Variants in FOXN3 observed in about 807,000 individuals in gnomAD.
FOXN3 encodes the protein forkhead box protein N3.
In FOXN3, 7 loss-of-function variants were observed where a neutral mutation model predicts 38.4. The observed-to-expected ratio is 0.18, with a 90% CI of 0.10 to 0.34. The LOEUF (loss-of-function observed/expected upper bound fraction) is 0.34, where lower values mean the gene tolerates loss of function less well. Among genes scored for constraint, FOXN3 ranks in the 10% least tolerant of loss-of-function variants. The pLI, the probability that FOXN3 is intolerant of heterozygous loss-of-function variation, is 1.00. For synonymous variants in FOXN3, 230 were observed against 242.2 expected (o/e 0.95, Z 0.47); for missense variants, 456 against 613.4 (o/e 0.74, Z 2.71).
At chr14:89,350,921 G>T in intron 2 of FOXN3, 113 bp from the exon 3 acceptor site, 2 of 781,024 alleles carry the variant, frequency 2.6e-6, no homozygotes, top group Non-Finnish European at 1.8e-6. Context: ...CTCATTTGTT[G>T]ACTGTTTGCC....
In FOXN3 at chr14:89,450,653, T is replaced by G. The variant is rs138102323; in HGVS notation, c.-14-38163A>C. ...CAGGCTGGAGTGCAGTGGCACAATC[T>G]CGGCTCACTGTAACATCCGCCTCCA... On this transcript the variant is annotated intron_variant, in intron 1 of 6. Coordinates refer to the FOXN3 transcript ENST00000345097. Among the ~76,000 whole-genome samples the G allele has an allele frequency of 1.3e-3, 197 of 151,442 alleles. 1 individual carries two copies. The highest frequency in any genetic ancestry group is 1.5e-3 in the Non-Finnish European group (103 of 67,912).
chr14:89,333,030 T>C (rs1361367128), intron 3 of FOXN3: 1 of 152,238 alleles, frequency 6.6e-6, no homozygotes. Flanking sequence ...CACAATGAGA[T>C]ACCACCTCAC....
intron 2 of FOXN3, among the ~76,000 whole-genome samples, chr14:89,381,828 C>T (rs1419821819): frequency 1.3e-5 from 2 of 151,478 alleles, no homozygotes; most frequent in Admixed American, 6.6e-5. Flanking sequence ...CCACTATACT[C>T]CAGCCTGGGC....
At chr14:89,233,641 T>C (rs764679833) in intron 4 of FOXN3, among the ~76,000 whole-genome samples, 2 of 152,200 alleles carry the variant, frequency 1.3e-5, no homozygotes, top group Non-Finnish European at 2.9e-5. Context: ...TGGTTTAACT[T>C]AAAATTCTGT....
At chr14:89,172,917 TAG>T (rs1447172694) in intron 5 of FOXN3, among the ~76,000 whole-genome samples, 2 of 152,142 alleles carry the variant, frequency 1.3e-5, no homozygotes, top group Non-Finnish European at 2.9e-5. Context: ...AAAAATACTA[TAG>T]GAGACTATAT....
At chr14:89,497,422 T>C (rs942304710) in intron 1 of FOXN3, among the ~76,000 whole-genome samples, 3 of 149,870 alleles carry the variant, frequency 2.0e-5, no homozygotes, top group Non-Finnish European at 4.4e-5. Context: ...TTTTTTTTTT[T>C]TGAGATGGAG....
chr14:89,558,244 A>G (rs1013689803), intron 1 of FOXN3, among the ~76,000 whole-genome samples: 20 of 152,228 alleles, frequency 1.3e-4, no homozygotes, highest in African/African-American at 4.8e-4. Context: ...AGCCAGAAGC[A>G]CAAAAGGTAG....
At chr14:89,534,973 T>C (rs1356032460) in intron 1 of FOXN3, among the ~76,000 whole-genome samples, 2 of 152,250 alleles carry the variant, frequency 1.3e-5, no homozygotes, top group South Asian at 2.1e-4. Flanking sequence ...ATTGAAGATA[T>C]ATTTTGTGCA....
At chr14:89,219,792 T>C (rs926089922) in intron 4 of FOXN3, among the ~76,000 whole-genome samples, 5 of 152,212 alleles carry the variant, frequency 3.3e-5, no homozygotes, top group South Asian at 2.1e-4. Context: ...ACTATTACAG[T>C]TGTCATTAAA....
At chr14:89,455,924 G>A (rs1034326449) in intron 1 of FOXN3, among the ~76,000 whole-genome samples, 13 of 152,140 alleles carry the variant, frequency 8.5e-5, no homozygotes, top group South Asian at 4.1e-4. Context: ...GGCCAGGCGC[G>A]GTGGCTCATG....
At chr14:89,198,872 C>T (rs1377601795) in intron 4 of FOXN3, among the ~76,000 whole-genome samples, 1 of 152,242 alleles carries the variant, frequency 6.6e-6, no homozygotes, top group East Asian at 1.9e-4. Flanking sequence ...CAATAGAACA[C>T]ATCAAAAGTA....
At chr14:89,442,266 C>T (rs1019792020) in intron 1 of FOXN3, among the ~76,000 whole-genome samples, 2 of 152,110 alleles carry the variant, frequency 1.3e-5, no homozygotes, top group Non-Finnish European at 2.9e-5. Context: ...ACATTCAAAT[C>T]ATCCAACCTT....
intron 1 of FOXN3, among the ~76,000 whole-genome samples, chr14:89,536,867 C>CTGT: frequency 1.3e-5 from 2 of 152,200 alleles, no homozygotes; most frequent in South Asian, 4.1e-4. Context: ...AATGGTTGTG[C>CTGT]TGTTCTCTGT....
At chr14:89,584,038 T>G (rs766203685) in intron 1 of FOXN3, among the ~76,000 whole-genome samples, 23 of 151,454 alleles carry the variant, frequency 1.5e-4, no homozygotes, top group Non-Finnish European at 3.2e-4. Flanking sequence ...TTTTGTATTT[T>G]CAGTAGAGAT....
chr14:89,566,490 G>A (rs776305550), intron 1 of FOXN3, among the ~76,000 whole-genome samples: 12 of 152,196 alleles, frequency 7.9e-5, no homozygotes, highest in African/African-American at 2.2e-4. Context: ...ATCACAAGAC[G>A]CTTGCTTCAT....
At chr14:89,383,556 T>A (rs745381728) in intron 2 of FOXN3, among the ~76,000 whole-genome samples, 1 of 152,318 alleles carries the variant, frequency 6.6e-6, no homozygotes, top group Non-Finnish European at 1.5e-5. Flanking sequence ...CTGGGGAACA[T>A]CCTTCCTTGC....
At chr14:89,331,750 G>C (rs563234548) in intron 3 of FOXN3, among the ~76,000 whole-genome samples, 1 of 152,148 alleles carries the variant, frequency 6.6e-6, no homozygotes, top group Non-Finnish European at 1.5e-5. Context: ...TGAAACAAAG[G>C]TTTCACAAAA....
chr14:89,477,547 C>T (rs1004019621), intron 1 of FOXN3, among the ~76,000 whole-genome samples: 1 of 152,206 alleles, frequency 6.6e-6, no homozygotes, highest in African/African-American at 2.4e-5. Flanking sequence ...CCCACAACAG[C>T]CAAGAACACA....
rs74076958 is a variant in FOXN3, at chr14:89,175,394, C to A, written c.851+5307G>T. ...AAATGTACTCTGTGCTGAAAGGTGG[C>A]ATGAATTTAATTTAAGCCTTCTCCT... is the stretch of plus-strand genomic sequence containing the variant. On this transcript the variant is annotated intron_variant, in intron 5 of 5. Transcript: ENST00000557258. Among the ~76,000 whole-genome samples the A allele has an allele frequency of 4.9e-3, 745 of 152,266 alleles. 6 individuals are homozygous for A. The highest frequency in any genetic ancestry group is 0.017 in the African/African-American group (718 of 41,540).
Sources: gnomAD v4.1 joint callset for allele counts (sites outside exome capture counted in the v4.1 genomes callset) on GRCh38, gnomAD v4.1.1 for gene constraint, MANE v1.5 for transcripts, NCBI Gene and HGNC (gene_info 2026-07-23, HGNC 2026-07-21) for gene names.